Variants in SHROOM3 observed in about 807,000 individuals in gnomAD.
The protein encoded by SHROOM3 is shroom family member 3.
SHROOM3 carries 47 observed loss-of-function variants against 138.6 expected under a neutral mutation model. The ratio of observed to expected loss-of-function variants is 0.34; its 90% CI spans 0.27 to 0.43. The LOEUF (loss-of-function observed/expected upper bound fraction) is 0.43. Among genes scored for constraint, SHROOM3 ranks in the 20% least tolerant of loss-of-function variants. The probability of loss-of-function intolerance (pLI) is 1.00; values close to 1 mark genes in which losing one functional copy is unlikely to be tolerated. For missense variants in SHROOM3, 2,491 were observed against 2,596.5 expected, an observed-to-expected ratio of 0.96 and a Z score of 0.88; for synonymous variants, 1,062 against 1,063.3, an observed-to-expected ratio of 1.00 and a Z score of 0.02.
At chr4:76,614,612 G>T (rs574526636) in intron 2 of SHROOM3, among the ~76,000 whole-genome samples, 1 of 152,090 alleles carries the variant, frequency 6.6e-6, no homozygotes, top group Admixed American at 6.5e-5. Flanking sequence ...CATGCATTAG[G>T]TATTTGTCCT....
intron 2 of SHROOM3, among the ~76,000 whole-genome samples, chr4:76,689,929 C>T (rs530185430): frequency 1.9e-4 from 29 of 152,264 alleles, no homozygotes; most frequent in African/African-American, 6.7e-4. Context: ...GCAGTAGCTG[C>T]CACTCCAAGA....
At chr4:76,648,967 T>TA (rs2110087312) in intron 2 of SHROOM3, among the ~76,000 whole-genome samples, 1 of 142,982 alleles carries the variant, frequency 7.0e-6, no homozygotes, top group East Asian at 2.2e-4. Flanking sequence ...ATTGATTAAA[T>TA]AAAAAAAGGA....
intron 5 of SHROOM3, 134 bp from the exon 6 acceptor site, chr4:76,748,883 G>T: frequency 1.8e-5 from 11 of 615,310 alleles, no homozygotes; most frequent in Non-Finnish European, 3.1e-5. Flanking sequence ...GATTATGTAA[G>T]AGTGCCACCA....
intron 1 of SHROOM3, among the ~76,000 whole-genome samples, chr4:76,545,284 G>A (rs1429144307): frequency 6.6e-6 from 1 of 152,164 alleles, no homozygotes; most frequent in Admixed American, 6.5e-5. Context: ...ACTGAGCGGA[G>A]TTGAGTGGCT....
At chr4:76,544,670 T>A (rs538678859) in intron 1 of SHROOM3, among the ~76,000 whole-genome samples, 2 of 152,230 alleles carry the variant, frequency 1.3e-5, no homozygotes, top group Non-Finnish European at 2.9e-5. Flanking sequence ...GTGCTGGGAT[T>A]ACAGGCGTGA....
chr4:76,444,310 T>C (rs1336367847), intron 1 of SHROOM3, among the ~76,000 whole-genome samples: 2 of 150,498 alleles, frequency 1.3e-5, no homozygotes, highest in Admixed American at 6.6e-5. Context: ...ATATATATTT[T>C]CATTTTAAGT....
At chr4:76,676,392 A>G (rs958203991) in intron 2 of SHROOM3, among the ~76,000 whole-genome samples, 3 of 152,292 alleles carry the variant, frequency 2.0e-5, no homozygotes, top group Admixed American at 6.5e-5. Flanking sequence ...CCCTGCTCCT[A>G]AAACACTTTT....
At chr4:76,645,968 C>A (rs982939245) in intron 2 of SHROOM3, among the ~76,000 whole-genome samples, 1 of 151,980 alleles carries the variant, frequency 6.6e-6, no homozygotes, top group African/African-American at 2.4e-5. Context: ...TTCTCTGATA[C>A]ATTTTCCAAC....
chr4:76,769,120 GT>G (rs34293122), intron 9 of SHROOM3, among the ~76,000 whole-genome samples: 9,222 of 147,544 alleles, frequency 0.063, 308 homozygotes, highest in Non-Finnish European at 0.073. Context: ...TTGTGTGTGT[GT>G]TTTTTTTTTC....
chr4:76,633,637 G>A lies in SHROOM3; in HGVS notation c.324-76519G>A, dbSNP rs571729721. On this transcript the variant is annotated intron_variant, in intron 2 of 10. Coordinates refer to ENST00000296043, the MANE Select transcript of SHROOM3 (RefSeq NM_020859.4). ...GCGCCACCGCACTCCAGCCTGGGTGGCAGAGCGAGACTCCGTCTCAAAAAA... is the reference window on the plus strand; with the variant it reads ...GCGCCACCGCACTCCAGCCTGGGTGACAGAGCGAGACTCCGTCTCAAAAAA... Among the ~76,000 whole-genome samples the A allele has an allele frequency of 7.3e-3, 1,045 of 142,478 alleles. 12 individuals carry two copies. The highest frequency in any genetic ancestry group is 0.026 in the African/African-American group (982 of 38,142). 93.5% of individuals were successfully genotyped at this position (142,478 alleles called of 152,430 possible).
intron 2 of SHROOM3, among the ~76,000 whole-genome samples, chr4:76,646,247 T>TAA (rs1491310759): frequency 9.9e-5 from 14 of 140,710 alleles, no homozygotes; most frequent in Non-Finnish European, 1.7e-4. Context: ...TATATATATA[T>TAA]AAAATTAAAA....
At chr4:76,773,243 G>GCA (rs1286004316) in intron 10 of SHROOM3, among the ~76,000 whole-genome samples, 1 of 151,864 alleles carries the variant, frequency 6.6e-6, no homozygotes, top group Non-Finnish European at 1.5e-5. Flanking sequence ...GGTGTGTGGC[G>GCA]GGTGCCTGTA....
intron 3 of SHROOM3, among the ~76,000 whole-genome samples, chr4:76,726,477 C>CT (rs1720708036): frequency 6.9e-6 from 1 of 145,398 alleles, no homozygotes; most frequent in Non-Finnish European, 1.5e-5. Flanking sequence ...TCGCATGCCC[C>CT]AGAATGAGCC....
chr4:76,735,614 T>C (rs1035487265), intron 4 of SHROOM3, among the ~76,000 whole-genome samples: 3 of 150,380 alleles, frequency 2.0e-5, no homozygotes, highest in African/African-American at 7.4e-5. Flanking sequence ...CCAAGGAGGG[T>C]GGATCATTTG....
chr4:76,455,956 G>A (rs1731019024), intron 1 of SHROOM3, among the ~76,000 whole-genome samples: 1 of 150,682 alleles, frequency 6.6e-6, no homozygotes, highest in Non-Finnish European at 1.5e-5. Flanking sequence ...TATATAAAAT[G>A]GTATAGTATT....
chr4:76,604,921 G>C (rs7687143), intron 2 of SHROOM3, among the ~76,000 whole-genome samples: 103,715 of 152,098 alleles, frequency 0.68, 35,946 homozygotes, highest in East Asian at 0.94. Context: ...TAGTTTATCT[G>C]TAGGGTCCAT....
chr4:76,604,450 C>G (rs1171391956), intron 2 of SHROOM3, among the ~76,000 whole-genome samples: 5 of 152,186 alleles, frequency 3.3e-5, no homozygotes, highest in Non-Finnish European at 7.4e-5. Flanking sequence ...GTCTCACTTG[C>G]TTTCCTACAT....
intron 1 of SHROOM3, among the ~76,000 whole-genome samples, chr4:76,553,605 T>C (rs1443847250): frequency 6.6e-6 from 1 of 151,788 alleles, no homozygotes; most frequent in African/African-American, 2.4e-5. Context: ...ATTCTCCCAC[T>C]TCAGCCTCCC....
intron 2 of SHROOM3, chr4:76,689,671 C>G (rs528508533): frequency 1.6e-5 from 16 of 985,214 alleles, no homozygotes; most frequent in Non-Finnish European, 1.9e-5. Flanking sequence ...CCGAGCAGCC[C>G]GGGGGCGGCG....
Sources: gnomAD v4.1 joint callset for allele counts (sites outside exome capture counted in the v4.1 genomes callset) on GRCh38, gnomAD v4.1.1 for gene constraint, MANE v1.5 for transcripts, NCBI Gene and HGNC (gene_info 2026-07-23, HGNC 2026-07-21) for gene names.